NELL1: variants seen among roughly 807,000 people sequenced by gnomAD.
NELL1 encodes neural EGFL like 1.
A neutral mutation model predicts 107.4 loss-of-function variants in NELL1; 76 were observed. That is an observed-to-expected ratio of 0.71 (90% confidence interval 0.59 to 0.86). The LOEUF (loss-of-function observed/expected upper bound fraction) is 0.86. Ranked by LOEUF, NELL1 falls within the 40% of genes least tolerant of loss-of-function variation. The pLI, the probability that NELL1 is intolerant of heterozygous loss-of-function variation, is 0.00. For missense variants in NELL1, 1,024 were observed against 1,005.5 expected, an observed-to-expected ratio of 1.02 and a Z score of -0.25; for synonymous variants, 353 against 341.2, an observed-to-expected ratio of 1.03 and a Z score of -0.38.
intron 3 of NELL1, among the ~76,000 whole-genome samples, chr11:20,803,246 A>G (rs192272391): frequency 6.6e-5 from 10 of 152,192 alleles, no homozygotes; most frequent in African/African-American, 2.2e-4. Flanking sequence ...CTCATTACAT[A>G]TCATTGGTCT....
intron 18 of NELL1, among the ~76,000 whole-genome samples, chr11:21,572,487 G>GGTATTATGGCATAGATTAATATTA (rs796654055): frequency 6.6e-6 from 1 of 151,546 alleles, no homozygotes; most frequent in African/African-American, 2.4e-5. Context: ...GCCATATATT[G>GGTATTATGGCATAGATTAATATTA]TAAGGTATTA....
At chr11:21,378,987 C>T (rs747687250) in intron 15 of NELL1, among the ~76,000 whole-genome samples, 2 of 151,726 alleles carry the variant, frequency 1.3e-5, no homozygotes, top group Non-Finnish European at 2.9e-5. Flanking sequence ...CAAAGTGTGC[C>T]CGGCCAACAC....
intron 13 of NELL1, among the ~76,000 whole-genome samples, chr11:21,190,257 CAGG>C (rs568618874): frequency 2.6e-4 from 39 of 151,856 alleles, no homozygotes; most frequent in Non-Finnish European, 5.0e-4. Context: ...GAGGCTGAAG[CAGG>C]AGAATTGCTT....
intron 4 of NELL1, among the ~76,000 whole-genome samples, chr11:20,875,337 C>T (rs573102948): frequency 6.6e-6 from 1 of 152,056 alleles, no homozygotes; most frequent in Non-Finnish European, 1.5e-5. Flanking sequence ...TCTTTTAATC[C>T]TGATAGTGTT....
At chr11:21,153,017 ATTC>A (rs1236618633) in intron 13 of NELL1, among the ~76,000 whole-genome samples, 1 of 152,186 alleles carries the variant, frequency 6.6e-6, no homozygotes, top group Non-Finnish European at 1.5e-5. Flanking sequence ...TTTTAAAATT[ATTC>A]TTCTGGAATT....
intron 1 of NELL1, among the ~76,000 whole-genome samples, chr11:20,676,601 C>A (rs1220396581): frequency 6.6e-6 from 1 of 152,180 alleles, no homozygotes; most frequent in Non-Finnish European, 1.5e-5. Flanking sequence ...TCTAAAGAGG[C>A]CTTCCTGACC....
At chr11:20,850,341 C>A (rs991167506) in intron 4 of NELL1, among the ~76,000 whole-genome samples, 1 of 152,200 alleles carries the variant, frequency 6.6e-6, no homozygotes, top group South Asian at 2.1e-4. Context: ...GAGTTTTTCT[C>A]AACCTCTCAC....
At chr11:20,814,950 C>G (rs1857591661) in intron 3 of NELL1, among the ~76,000 whole-genome samples, 1 of 152,184 alleles carries the variant, frequency 6.6e-6, no homozygotes, top group Non-Finnish European at 1.5e-5. Flanking sequence ...GTTCTCTTTT[C>G]TCTACAACCT....
chr11:21,278,474 C>T lies in NELL1; in HGVS notation c.1549+49020C>T, dbSNP rs548676229. On this transcript the variant is annotated intron_variant, in intron 14 of 19. Coordinates refer to ENST00000357134, the MANE Select transcript of NELL1 (RefSeq NM_006157.5). Reference sequence around the variant, plus strand: ...GAATATAAGGTTAATGTACAAAAGTCGATAGTTTTTTCTGTATACTGGCAA... The same window carrying T: ...GAATATAAGGTTAATGTACAAAAGTTGATAGTTTTTTCTGTATACTGGCAA... Among the ~76,000 whole-genome samples the T allele has an allele frequency of 1.7e-3, 263 of 151,988 alleles. 1 individual carries two copies. Among genetic ancestry groups the T allele is most frequent in the African/African-American group, 6.0e-3 (248 of 41,482 alleles).
At chr11:20,886,795 C>T (rs1849518116) in intron 5 of NELL1, among the ~76,000 whole-genome samples, 1 of 152,094 alleles carries the variant, frequency 6.6e-6, no homozygotes, top group Admixed American at 6.6e-5. Flanking sequence ...AACAAACCTG[C>T]ACGTTGTGCA....
At chr11:21,092,841 G>C (rs151276214) in intron 12 of NELL1, among the ~76,000 whole-genome samples, 115 of 152,250 alleles carry the variant, frequency 7.6e-4, no homozygotes, top group Admixed American at 1.6e-3. Context: ...GGGAGGCTTT[G>C]GGACCTAGAA....
intron 13 of NELL1, among the ~76,000 whole-genome samples, chr11:21,153,303 G>A (rs1631571): frequency 0.73 from 111,522 of 151,986 alleles, 41,109 homozygotes; most frequent in African/African-American, 0.8. Context: ...GTCTGAGTTA[G>A]TGGTGTGTAT....
chr11:21,242,753 C>T (rs1270936795), intron 14 of NELL1, among the ~76,000 whole-genome samples: 3 of 152,076 alleles, frequency 2.0e-5, no homozygotes, highest in Non-Finnish European at 4.4e-5. Context: ...TGGCTTCAAT[C>T]AAATTAAAGA....
At chr11:20,691,935 G>C (rs557313775) in intron 2 of NELL1, among the ~76,000 whole-genome samples, 2 of 152,178 alleles carry the variant, frequency 1.3e-5, no homozygotes, top group African/African-American at 4.8e-5. Context: ...TGGTTGGTAA[G>C]GTATTGATTA....
chr11:20,684,697 C>T (rs2133858020), intron 2 of NELL1, among the ~76,000 whole-genome samples: 1 of 151,966 alleles, frequency 6.6e-6, no homozygotes, highest in East Asian at 1.9e-4. Flanking sequence ...TTTATAAATA[C>T]CTTTGAGTTT....
At chr11:21,450,977 T>C (rs1482708914) in intron 15 of NELL1, among the ~76,000 whole-genome samples, 1 of 151,380 alleles carries the variant, frequency 6.6e-6, no homozygotes, top group East Asian at 1.9e-4. Flanking sequence ...GATCATGAGG[T>C]CAGGAGATGG....
chr11:20,960,678 G>C lies in NELL1; in HGVS notation c.1300+118G>C, dbSNP rs886453020. ...GCTGTGGTCCTATGCAATCCTATAA[G>C]AAATCATATCAATTGCTGAGGGTTC... On this transcript the variant is annotated intron_variant, in intron 12 of 19. Coordinates refer to ENST00000357134, the MANE Select transcript of NELL1 (RefSeq NM_006157.5). The C allele has an allele frequency of 5.3e-6, 6 of 1,130,570 alleles. No homozygotes were observed. In the African/African-American group the frequency reaches 9.3e-5, roughly 18 times the overall value. 70.0% of individuals were successfully genotyped at this position (1,130,570 alleles called of 1,614,324 possible).
chr11:21,534,543 C>CA (rs745318742), intron 16 of NELL1, 29 bp downstream of exon 16: 1 of 1,611,230 alleles, frequency 6.2e-7, no homozygotes, highest in East Asian at 2.2e-5. Flanking sequence ...TGCCCTCCAA[C>CA]TGCTTGGACC....
At chr11:20,823,330 C>G (rs327022) in intron 3 of NELL1, among the ~76,000 whole-genome samples, 129,430 of 150,940 alleles carry the variant, frequency 0.86, 56,648 homozygotes, top group East Asian at 0.94. Context: ...ACAGTATGGG[C>G]GAAACTGTCG....
Sources: allele counts gnomAD v4.1 joint callset (sites outside exome capture counted in the v4.1 genomes callset), GRCh38; gene constraint gnomAD v4.1.1; transcripts MANE v1.5; gene names NCBI Gene and HGNC (gene_info 2026-07-23, HGNC 2026-07-21).